The following GPHN variants were observed in gnomAD, a reference collection of about 807,000 sequenced individuals.
GPHN encodes the protein gephyrin.
A neutral mutation model predicts 95.5 loss-of-function variants in GPHN; 17 were observed. The ratio of observed to expected loss-of-function variants is 0.18; its 90% CI spans 0.12 to 0.27. The LOEUF (loss-of-function observed/expected upper bound fraction) is 0.27, where lower values mean the gene tolerates loss of function less well. Ranked by LOEUF, GPHN falls within the 10% of genes least tolerant of loss-of-function variation. The pLI is 1.00. For missense variants in GPHN, 660 were observed against 978.1 expected (o/e 0.67, Z 4.34); for synonymous variants, 320 against 322.5 (o/e 0.99, Z 0.08).
the GPHN span, chr14:67,651,144 G>A: frequency 1.1e-6 from 1 of 929,494 alleles, no homozygotes; most frequent in Non-Finnish European, 1.6e-6. Flanking sequence ...ACAGTACTAT[G>A]TAAATTTAAA....
At chr14:67,025,025 T>C (rs965153970) in intron 10 of GPHN, among the ~76,000 whole-genome samples, 1 of 152,156 alleles carries the variant, frequency 6.6e-6, no homozygotes, top group African/African-American at 2.4e-5. Flanking sequence ...TGAGCCCCTT[T>C]GAACCTCCAA....
the GPHN span, chr14:67,199,032 CAAGAAG>C: frequency 1.4e-6 from 1 of 724,700 alleles, no homozygotes; most frequent in Non-Finnish European, 2.5e-6. Flanking sequence ...CTTCAAAAGG[CAAGAAG>C]AGGATGGCAG....
At chr14:66,739,481 G>T (rs1425031700) in intron 2 of GPHN, among the ~76,000 whole-genome samples, 1 of 148,980 alleles carries the variant, frequency 6.7e-6, no homozygotes, top group Non-Finnish European at 1.5e-5. Context: ...CTCCCAAAGT[G>T]CTGGGATTAC....
At chr14:66,889,261 A>G (rs1239648094) in intron 5 of GPHN, among the ~76,000 whole-genome samples, 2 of 152,150 alleles carry the variant, frequency 1.3e-5, no homozygotes, top group Non-Finnish European at 2.9e-5. Flanking sequence ...CAACCCACAT[A>G]TATAAAACAC....
intron 3 of GPHN, among the ~76,000 whole-genome samples, chr14:66,815,588 G>A (rs1359219740): frequency 6.6e-6 from 1 of 152,064 alleles, no homozygotes; most frequent in Non-Finnish European, 1.5e-5. Context: ...GGAGAAACAA[G>A]ATCCTTTTCA....
chr14:67,403,875 G>C, the GPHN span, among the ~76,000 whole-genome samples: 410 of 152,240 alleles, frequency 2.7e-3, 3 homozygotes, highest in Admixed American at 4.3e-3. Context: ...GCTATAGTGA[G>C]AAGTCATTTC....
intron 2 of GPHN, among the ~76,000 whole-genome samples, chr14:66,708,307 G>A (rs573449429): frequency 7.2e-5 from 11 of 152,068 alleles, no homozygotes; most frequent in African/African-American, 2.7e-4. Context: ...GTGAATAATA[G>A]GACTAGAAAG....
intron 3 of GPHN, among the ~76,000 whole-genome samples, chr14:66,790,824 A>G (rs986773250): frequency 2.0e-5 from 3 of 152,198 alleles, no homozygotes; most frequent in Admixed American, 1.3e-4. Context: ...TCTTTTCCAC[A>G]AGACCCATCA....
At chr14:66,668,083 TATC>T (rs1344910582) in intron 1 of GPHN, among the ~76,000 whole-genome samples, 1 of 152,164 alleles carries the variant, frequency 6.6e-6, no homozygotes, top group Non-Finnish European at 1.5e-5. Flanking sequence ...CACAGTGAGA[TATC>T]ATATCCTACC....
intron 4 of GPHN, among the ~76,000 whole-genome samples, chr14:66,838,317 G>A (rs2061940813): frequency 6.6e-6 from 1 of 152,022 alleles, no homozygotes; most frequent in Admixed American, 6.6e-5. Context: ...TTTAGAAAGA[G>A]CTTTAGCTTT....
the GPHN span, chr14:67,270,046 A>C: frequency 2.0e-5 from 3 of 152,332 alleles, no homozygotes; most frequent in East Asian, 5.8e-4. Flanking sequence ...ACTCTGCCTA[A>C]AAATTAAGAT....
intron 9 of GPHN, among the ~76,000 whole-genome samples, chr14:67,022,319 CTCTTT>C (rs1466137267): frequency 1.3e-5 from 2 of 151,928 alleles, no homozygotes; most frequent in African/African-American, 4.8e-5. Flanking sequence ...AAACCTCTCT[CTCTTT>C]TCTTTTCCTC....
At chr14:66,923,125 G>A (rs537124622) in intron 7 of GPHN, among the ~76,000 whole-genome samples, 187 bp downstream of exon 7, 1 of 152,288 alleles carries the variant, frequency 6.6e-6, no homozygotes, top group African/African-American at 2.4e-5. Flanking sequence ...TGAAGTCACT[G>A]AAGTTAATTC....
chr14:67,155,192 T>C (rs941764266), intron 18 of GPHN, among the ~76,000 whole-genome samples: 2 of 152,186 alleles, frequency 1.3e-5, no homozygotes, highest in Non-Finnish European at 2.9e-5. Context: ...GCTTTAGGAA[T>C]AAAGACAATC....
At chr14:67,464,722 C>G in the GPHN span, among the ~76,000 whole-genome samples, 5 of 152,338 alleles carry the variant, frequency 3.3e-5, no homozygotes, top group South Asian at 1.0e-3. Context: ...TCTAGAGAAG[C>G]TCCCTATTCA....
chr14:66,749,871 T>C (rs1228752405), intron 2 of GPHN, among the ~76,000 whole-genome samples: 1 of 151,766 alleles, frequency 6.6e-6, no homozygotes, highest in East Asian at 1.9e-4. Context: ...GAGCATATAG[T>C]AGGTCTGTGT....
chr14:66,717,225 A>G (rs1366269388), intron 2 of GPHN, among the ~76,000 whole-genome samples: 2 of 152,060 alleles, frequency 1.3e-5, no homozygotes, highest in Non-Finnish European at 2.9e-5. Flanking sequence ...TGTAGGATTG[A>G]GTTCATTTGA....
the GPHN span, chr14:67,648,427 CAATTA>C: frequency 6.0e-6 from 2 of 335,352 alleles, no homozygotes; most frequent in Non-Finnish European, 1.1e-5. Context: ...TATATTTAAA[CAATTA>C]AATACAAGAA....
At chr14:67,560,425 G>C in the GPHN span, among the ~76,000 whole-genome samples, 44 of 152,306 alleles carry the variant, frequency 2.9e-4, 1 homozygote, top group South Asian at 8.9e-3. Context: ...CAGCAATTCA[G>C]TGGCATTAAG....
Sources: allele counts gnomAD v4.1 joint callset (sites outside exome capture counted in the v4.1 genomes callset), GRCh38; gene constraint gnomAD v4.1.1; transcripts MANE v1.5; gene names NCBI Gene and HGNC (gene_info 2026-07-23, HGNC 2026-07-21).